Variants in AHI1 observed in about 807,000 individuals in gnomAD.
The protein encoded by AHI1 is jouberin.
Under a neutral mutation model 149.3 loss-of-function variants are expected in AHI1, and 123 were observed. That is an observed-to-expected ratio of 0.82 (90% CI 0.71 to 0.96). AHI1 has a LOEUF of 0.96. AHI1 is among the 40% of genes least tolerant of loss of function. The probability of loss-of-function intolerance (pLI) is 0.00; values close to 1 mark genes in which losing one functional copy is unlikely to be tolerated. For missense variants in AHI1, 1,439 were observed against 1,422.7 expected, an observed-to-expected ratio of 1.01 and a Z score of -0.18; for synonymous variants, 475 against 459.8, an observed-to-expected ratio of 1.03 and a Z score of -0.42.
chr6:135,426,158 T>C (rs1783885218), intron 20 of AHI1, among the ~76,000 whole-genome samples: 1 of 151,810 alleles, frequency 6.6e-6, no homozygotes, highest in South Asian at 2.1e-4. Flanking sequence ...TATTTTTTCC[T>C]ATAATCAGGC....
Position 135,431,224 on chromosome 6 carries a change from T to C in AHI1, c.2357A>G (p.His786Arg), listed in dbSNP as rs886061110. 2.5e-6 allele frequency: 4 copies of C among 1,595,936 alleles called. No homozygotes were observed. The highest frequency in any genetic ancestry group is 3.4e-6 in the Non-Finnish European group (4 of 1,167,670). ...KINDLEHSVH[H>R]WTINKEIKET... Reference sequence around the variant, plus strand: ...ATTTTATACCTTATTTATAGTCCAGTGGTGCACTGAATGTTCCAAATCATT... The same window carrying C: ...ATTTTATACCTTATTTATAGTCCAGCGGTGCACTGAATGTTCCAAATCATT... Residue 786 changes from histidine (H) to arginine (R), a missense_variant, in exon 17 of 29, where the codon CAC (histidine) becomes CGC (arginine). His to Arg is a conservative substitution (Grantham distance 29). Transcript: ENST00000265602.
At chr6:135,396,073 G>T (rs1017220587) in intron 22 of AHI1, among the ~76,000 whole-genome samples, 1 of 151,522 alleles carries the variant, frequency 6.6e-6, no homozygotes, top group Non-Finnish European at 1.5e-5. Context: ...TTTTCTCTTA[G>T]AGCAGAGTTA....
chr6:135,453,891 T>C (rs548190960), intron 10 of AHI1, among the ~76,000 whole-genome samples: 30 of 152,230 alleles, frequency 2.0e-4, no homozygotes, highest in Middle Eastern at 6.8e-3. Context: ...CTCAAGAGGA[T>C]TTCTTCCATT....
At chr6:135,483,927 G>A (rs1315087194) in intron 5 of AHI1, among the ~76,000 whole-genome samples, 1 of 152,212 alleles carries the variant, frequency 6.6e-6, no homozygotes, top group African/African-American at 2.4e-5. Context: ...CCACTTCAAA[G>A]ACAGTGTATT....
At chr6:135,343,159 C>T (rs947105353) in intron 24 of AHI1, among the ~76,000 whole-genome samples, 1 of 151,882 alleles carries the variant, frequency 6.6e-6, no homozygotes, top group Non-Finnish European at 1.5e-5. Context: ...AAGCAACAAA[C>T]ATCTTTACCT....
intron 20 of AHI1, among the ~76,000 whole-genome samples, chr6:135,418,968 A>G (rs920081761): frequency 9.0e-6 from 1 of 111,202 alleles, no homozygotes; most frequent in South Asian, 2.6e-4. Flanking sequence ...TTTGTATTTT[A>G]TCTGGCCTGA....
At chr6:135,398,058 GTTTTTTTTTT>G (rs68148024) in intron 22 of AHI1, among the ~76,000 whole-genome samples, 1 of 88,444 alleles carries the variant, frequency 1.1e-5, no homozygotes, top group African/African-American at 4.3e-5. Flanking sequence ...TACCCAGGAT[GTTTTTTTTTT>G]TTTTTTTTTT....
intron 11 of AHI1, among the ~76,000 whole-genome samples, chr6:135,452,647 T>TA (rs1422163274): frequency 1.3e-5 from 2 of 152,214 alleles, no homozygotes; most frequent in African/African-American, 4.8e-5. Context: ...TTCCTCTTGC[T>TA]ATAATGACTG....
At chr6:135,313,676 C>T (rs1785519348) in intron 26 of AHI1, among the ~76,000 whole-genome samples, 1 of 152,100 alleles carries the variant, frequency 6.6e-6, no homozygotes, top group Non-Finnish European at 1.5e-5. Flanking sequence ...TGCAGTGAGT[C>T]CACCTAAGTA....
chr6:135,400,881 T>G (rs1779935509), intron 22 of AHI1, among the ~76,000 whole-genome samples: 1 of 152,142 alleles, frequency 6.6e-6, no homozygotes, highest in African/African-American at 2.4e-5. Context: ...CTCCAGCCTG[T>G]TTTTTTCCCT....
Position 135,447,075 on chromosome 6 carries a change from G to GA in AHI1, c.1711dup (p.Ser571PhefsTer46). 1 of 1,611,098 alleles carries GA rather than the reference G, an allele frequency of 6.2e-7. No individual in the cohort carries two copies. The highest frequency in any genetic ancestry group is 8.5e-7 in the Non-Finnish European group (1 of 1,178,226). On this transcript the variant is annotated frameshift_variant, in exon 13 of 29. Transcript: ENST00000265602. LOFTEE classifies it high-confidence loss of function. ...TTCTAATCCAGGTTCTGTGTCTACTGAGCTTGACTCATGGTGACGTTCACA... is the reference window on the plus strand; with the variant it reads ...TTCTAATCCAGGTTCTGTGTCTACTGAAGCTTGACTCATGGTGACGTTCACA...
intron 13 of AHI1, among the ~76,000 whole-genome samples, chr6:135,445,724 C>T (rs1452722215): frequency 6.6e-6 from 1 of 152,080 alleles, no homozygotes; most frequent in East Asian, 1.9e-4. Context: ...AGGTGCATGC[C>T]ACCATGCCCA....
rs1787232048 is a variant in AHI1, at chr6:135,323,758, CTGAT to C, written c.3166-438_3166-435del. On this transcript the variant is annotated intron_variant, in intron 24 of 28. Transcript: ENST00000265602. ...AAAAGGAAAAACTCAATGGAACAAT[CTGAT>C]TGTATTGCTTGGTTTACTGTTAATG... Among the ~76,000 whole-genome samples the C allele has an allele frequency of 2.0e-5, 3 of 152,132 alleles. No individual in the cohort carries two copies. In the South Asian group the frequency reaches 6.2e-4, roughly 31 times the overall value.
intron 8 of AHI1, 52 bp downstream of exon 8, chr6:135,463,073 C>A: frequency 1.4e-6 from 2 of 1,442,826 alleles, no homozygotes; most frequent in South Asian, 1.4e-5. Flanking sequence ...TTCCTAGAAT[C>A]AAGTTATTTC....
chr6:135,381,731 G>A (rs565724763), intron 23 of AHI1, among the ~76,000 whole-genome samples: 9 of 152,322 alleles, frequency 5.9e-5, no homozygotes, highest in African/African-American at 2.2e-4. Flanking sequence ...TGCTGCCACA[G>A]TGTTTTATAC....
At chr6:135,290,601 T>C in intron 27 of AHI1, 76 bp from the exon 28 acceptor site, 3 of 1,503,628 alleles carry the variant, frequency 2.0e-6, no homozygotes, top group Non-Finnish European at 2.8e-6. Context: ...GGCTTTGATC[T>C]AGGGCCGTGG....
At chr6:135,489,532 A>G (rs755711917) in intron 5 of AHI1, among the ~76,000 whole-genome samples, 10 of 152,116 alleles carry the variant, frequency 6.6e-5, no homozygotes, top group Non-Finnish European at 1.5e-4. Context: ...GGGAGCGCAT[A>G]TATCAATAAG....
intron 24 of AHI1, among the ~76,000 whole-genome samples, chr6:135,357,111 T>A (rs1441663269): frequency 6.6e-6 from 1 of 152,126 alleles, no homozygotes; most frequent in East Asian, 1.9e-4. Flanking sequence ...GATAACTTTT[T>A]GTATTTTAGT....
At chr6:135,444,015 T>C (rs572936698) in intron 13 of AHI1, among the ~76,000 whole-genome samples, 4 of 152,318 alleles carry the variant, frequency 2.6e-5, no homozygotes, top group Admixed American at 1.3e-4. Flanking sequence ...ATGTTCTTTG[T>C]ATTCTCAGGG....
Sources: gnomAD v4.1 joint callset for allele counts (sites outside exome capture counted in the v4.1 genomes callset) on GRCh38, gnomAD v4.1.1 for gene constraint, MANE v1.5 for transcripts, NCBI Gene and HGNC (gene_info 2026-07-23, HGNC 2026-07-21) for gene names.